The following BACH2 variants were observed in gnomAD, a reference collection of about 807,000 sequenced individuals.
The protein encoded by BACH2 is transcription regulator protein BACH2.
Under a neutral mutation model 61.8 loss-of-function variants are expected in BACH2, and 5 were observed. The observed-to-expected ratio is 0.08, with a 90% CI of 0.04 to 0.17. The LOEUF is 0.17. BACH2 is among the 10% of genes least tolerant of loss of function. The pLI, the probability that BACH2 is intolerant of heterozygous loss-of-function variation, is 1.00. For missense variants in BACH2, 824 were observed against 1,091.1 expected (o/e 0.76, Z 3.45); for synonymous variants, 446 against 440.1 (o/e 1.01, Z -0.17).
intron 6 of BACH2, among the ~76,000 whole-genome samples, chr6:89,969,516 C>T (rs1028439499): frequency 7.2e-5 from 11 of 152,174 alleles, no homozygotes; most frequent in South Asian, 4.1e-4. Flanking sequence ...TCTACCACTA[C>T]GCTTGGATGG....
intron 5 of BACH2, among the ~76,000 whole-genome samples, chr6:90,080,005 G>C (rs1452894552): frequency 6.6e-6 from 1 of 151,620 alleles, no homozygotes; most frequent in Non-Finnish European, 1.5e-5. Context: ...TGGTATGTCA[G>C]TCAGTGTACA....
At chr6:89,953,163 C>T (rs1774230797) in intron 6 of BACH2, 1 of 152,196 alleles carries the variant, frequency 6.6e-6, no homozygotes, top group African/African-American at 2.4e-5. Flanking sequence ...GCATACAGAG[C>T]CAAAATTCTT....
At chr6:90,078,259 G>A (rs1014256946) in intron 5 of BACH2, among the ~76,000 whole-genome samples, 8 of 151,818 alleles carry the variant, frequency 5.3e-5, no homozygotes, top group African/African-American at 1.2e-4. Context: ...CTTTCATAAC[G>A]TACACCAGCA....
At chr6:90,256,361 C>T (rs1169912556) in intron 2 of BACH2, among the ~76,000 whole-genome samples, 1 of 152,188 alleles carries the variant, frequency 6.6e-6, no homozygotes, top group Non-Finnish European at 1.5e-5. Flanking sequence ...ATTTCTAGGC[C>T]TACTCCATAA....
intron 4 of BACH2, among the ~76,000 whole-genome samples, chr6:90,163,596 A>C (rs931030132): frequency 6.6e-6 from 1 of 152,160 alleles, no homozygotes; most frequent in Non-Finnish European, 1.5e-5. Flanking sequence ...AAATATTTTA[A>C]ATCAAGACTA....
intron 4 of BACH2, among the ~76,000 whole-genome samples, chr6:90,185,139 T>TG (rs1562492619): frequency 1.3e-5 from 2 of 152,058 alleles, no homozygotes; most frequent in African/African-American, 4.8e-5. Context: ...GATAAGTCAA[T>TG]GGGGGGAGAC....
intron 4 of BACH2, among the ~76,000 whole-genome samples, chr6:90,158,600 G>A (rs924124833): frequency 6.6e-6 from 1 of 151,974 alleles, no homozygotes; most frequent in Admixed American, 6.6e-5. Flanking sequence ...CTGGGCAGGG[G>A]CTTCATGATG....
At chr6:90,075,361 C>G (rs1365771185) in intron 5 of BACH2, among the ~76,000 whole-genome samples, 1 of 152,112 alleles carries the variant, frequency 6.6e-6, no homozygotes, top group African/African-American at 2.4e-5. Context: ...TACATGATGC[C>G]TTTTACACTT....
chr6:89,951,647 G>A lies in BACH2; in HGVS notation c.459C>T (p.His153=). ...CRKDAACQRP[H]EDCENSAGEE... ...CTCCTGCAGAGTTCTCGCAGTCCTC[G>A]TGTGGGCGCTGGCACGCAGCATCCT... Residue 153 remains histidine, a synonymous_variant, in exon 7 of 9, where the codon CAC becomes CAT. Transcript: ENST00000257749. The surrounding 1 kb of genome is among the most constrained non-coding windows in gnomAD (Gnocchi z 6.4). The A allele has an allele frequency of 6.8e-6, 11 of 1,614,192 alleles. No individual in the cohort carries two copies. The highest frequency in any genetic ancestry group is 9.3e-6 in the Non-Finnish European group (11 of 1,180,042).
rs1772409853 is a variant in BACH2 at position 90,296,672 on chromosome 6, G to A, written c.-638C>T. The A allele has an allele frequency of 6.5e-6, 1 of 154,926 alleles. No homozygotes were observed. The highest frequency in any genetic ancestry group is 2.4e-5 in the African/African-American group (1 of 41,388). The allele number at this position is 154,926 out of a possible 1,614,324, so 9.6% of individuals were successfully genotyped here. A position where few individuals can be genotyped will look rare whatever the true frequency, so the allele number is the denominator to read the frequency against. ...GAAGGGGGAGGGGAAGGGGCGAGGG[G>A]AGGCCGGGGGGAAAGCGAGAGCGGG... On this transcript the variant is annotated 5_prime_UTR_variant, in exon 1 of 9. Transcript: ENST00000257749.
intron 2 of BACH2, among the ~76,000 whole-genome samples, chr6:90,252,973 A>G (rs1251052346): frequency 6.6e-6 from 1 of 152,254 alleles, no homozygotes; most frequent in Admixed American, 6.5e-5. Flanking sequence ...GGCCAGGTGC[A>G]GTGGCTCACG....
intron 5 of BACH2, among the ~76,000 whole-genome samples, chr6:90,031,030 G>T (rs1281491307): frequency 4.5e-4 from 63 of 139,590 alleles, no homozygotes; most frequent in African/African-American, 8.9e-4. Context: ...TTCATCCCTG[G>T]GATGCAAGGC....
At chr6:90,250,717 T>C (rs1770780577) in intron 3 of BACH2, among the ~76,000 whole-genome samples, 1 of 152,290 alleles carries the variant, frequency 6.6e-6, no homozygotes, top group Admixed American at 6.5e-5. Flanking sequence ...AGATGAAAAA[T>C]TCTAAAGATT....
At chr6:90,232,349 A>G (rs957991912) in intron 3 of BACH2, among the ~76,000 whole-genome samples, 2 of 152,208 alleles carry the variant, frequency 1.3e-5, no homozygotes, top group African/African-American at 2.4e-5. Context: ...ATGTAGAAAG[A>G]TCTCTCTTGA....
At chr6:90,147,255 CCT>C (rs1163501674) in intron 4 of BACH2, among the ~76,000 whole-genome samples, 2 of 152,122 alleles carry the variant, frequency 1.3e-5, no homozygotes, top group Non-Finnish European at 2.9e-5. Flanking sequence ...CCCTTTTCAC[CCT>C]GTCCTCAGAA....
chr6:90,117,393 T>C (rs1783445799), intron 4 of BACH2, among the ~76,000 whole-genome samples: 1 of 152,126 alleles, frequency 6.6e-6, no homozygotes, highest in Admixed American at 6.5e-5. Flanking sequence ...AGGTGTAAGA[T>C]TAGAGAGCAC....
At chr6:90,044,906 G>C (rs1045026626) in intron 5 of BACH2, among the ~76,000 whole-genome samples, 3 of 152,144 alleles carry the variant, frequency 2.0e-5, no homozygotes, top group Admixed American at 6.5e-5. Flanking sequence ...TTGAGGAGTT[G>C]ATTAGACAGC....
At chr6:90,142,071 A>G (rs1784479163) in intron 4 of BACH2, among the ~76,000 whole-genome samples, 1 of 152,076 alleles carries the variant, frequency 6.6e-6, no homozygotes, top group Admixed American at 6.5e-5. Context: ...ACAGAACTAG[A>G]CTCTGTCTCA....
intron 2 of BACH2, among the ~76,000 whole-genome samples, chr6:90,259,428 G>T (rs981628716): frequency 2.6e-5 from 4 of 152,136 alleles, no homozygotes; most frequent in Admixed American, 2.6e-4. Context: ...ATCCCACTTA[G>T]TCATGACATG....
Sources: allele counts gnomAD v4.1 joint callset (sites outside exome capture counted in the v4.1 genomes callset), GRCh38; gene constraint gnomAD v4.1.1; non-coding constraint Gnocchi (gnomAD v3.1); transcripts MANE v1.5; gene names NCBI Gene and HGNC (gene_info 2026-07-23, HGNC 2026-07-21).